HEYL: variants seen among roughly 807,000 people sequenced by gnomAD.
The protein encoded by HEYL is hairy/enhancer-of-split related with YRPW motif-like protein.
In HEYL, 12 loss-of-function variants were observed where a neutral mutation model predicts 18.6. The ratio of observed to expected loss-of-function variants is 0.65; its 90% CI spans 0.41 to 1.05. HEYL has a LOEUF of 1.05. Ranked by LOEUF, HEYL falls within the 50% of genes least tolerant of loss-of-function variation. HEYL has a pLI of 0.00. For synonymous variants in HEYL, 159 were observed against 179.6 expected (o/e 0.89, Z 0.91); for missense variants, 420 against 444.7 (o/e 0.94, Z 0.50).
At position 39,630,301 on chromosome 1, in the gene HEYL, G is replaced by A. The variant is rs1174758018; in HGVS notation, c.239C>T (p.Ser80Phe). ...CAAGACCTCGGCTTTCTCCAGCTTG[G>A]AAGAGCCCTGCGGGTACAGAAGACA... ...VPTAFEKQGS[S>F]KLEKAEVLQM... Residue 80 changes from serine to phenylalanine, a missense_variant, in exon 4 of 5, where the codon TCC becomes TTC. Coordinates refer to ENST00000372852, the MANE Select transcript of HEYL (RefSeq NM_014571.4). 4 of 1,613,982 alleles carry A rather than the reference G, an allele frequency of 2.5e-6. No homozygotes were observed. The highest frequency in any genetic ancestry group is 3.4e-6 in the Non-Finnish European group (4 of 1,179,884).
chr1:39,624,338 CA>C lies in HEYL; in HGVS notation c.*2168del, dbSNP rs1646284071. 6.6e-6 allele frequency: 1 copy of C among 152,234 alleles called. No individual in the cohort carries two copies. The highest frequency in any genetic ancestry group is 2.1e-4 in the South Asian group (1 of 4,834). The allele number at this position is 152,234 out of a possible 1,614,324, so 9.4% of individuals were successfully genotyped here. Reference sequence around the variant, plus strand: ...CAGGGACAATGAAAGCAAGTTCAACCAAGATGCTGAAAGAGCTGGATCATTC... The same window carrying C: ...CAGGGACAATGAAAGCAAGTTCAACCAGATGCTGAAAGAGCTGGATCATTC... On this transcript the variant is annotated 3_prime_UTR_variant, in exon 5 of 5. Transcript: ENST00000372852.
At chr1:39,630,525 T>C (rs1646327670) in intron 3 of HEYL, among the ~76,000 whole-genome samples, 1 of 152,230 alleles carries the variant, frequency 6.6e-6, no homozygotes, top group African/African-American at 2.4e-5. Context: ...TCATCTTTCC[T>C]GAAACCACTC....
intron 2 of HEYL, among the ~76,000 whole-genome samples, chr1:39,631,837 C>A (rs953467890): frequency 6.6e-6 from 1 of 152,196 alleles, no homozygotes; most frequent in African/African-American, 2.4e-5. Context: ...AGATGTTTAA[C>A]CACTGGTACA....
At chr1:39,628,821 C>T (rs764969114) in intron 4 of HEYL, among the ~76,000 whole-genome samples, 2 of 152,020 alleles carry the variant, frequency 1.3e-5, no homozygotes, top group Non-Finnish European at 2.9e-5. Flanking sequence ...CCAGGATGGT[C>T]TCGATCTCCT....
Position 39,626,611 on chromosome 1 carries a change from C to A in HEYL, c.883G>T (p.Val295Phe). The stretch of plus-strand genomic sequence containing the variant: ...GGGGAGGATGAGTTGGGGGTGGGAA[C>A]AGCCACGTAAGCAGCCGACCCTGTA... Reference protein sequence around the residue: ...GPTGSAAYVAVPTPNSSSPGP... With the variant: ...GPTGSAAYVAFPTPNSSSPGP... Residue 295 changes from valine (V) to phenylalanine (F), a missense_variant, in exon 5 of 5, where the codon GTT becomes TTT. Coordinates refer to ENST00000372852, the MANE Select transcript of HEYL (RefSeq NM_014571.4). The A allele has an allele frequency of 6.4e-7, 1 of 1,554,500 alleles. No individual in the cohort carries two copies. The highest frequency in any genetic ancestry group is 8.7e-7 in the Non-Finnish European group (1 of 1,151,214).
intron 1 of HEYL, chr1:39,633,401 C>G (rs371247821): frequency 2.6e-5 from 4 of 152,318 alleles, no homozygotes; most frequent in African/African-American, 9.6e-5. Flanking sequence ...AGAAGAGGCT[C>G]AGCCCTGGGG....
At chr1:39,631,464 T>C (rs11206504) in intron 3 of HEYL, 32 bp downstream of exon 3, 246,916 of 1,595,180 alleles carry the variant, frequency 0.15, 20,694 homozygotes, top group Non-Finnish European at 0.17. Flanking sequence ...CCACACAGTA[T>C]TTCCTCTAGC....
At position 39,635,570 on chromosome 1, in the gene HEYL, T is replaced by TAC. The variant is rs541841047; in HGVS notation, c.81-2857_81-2856dup. Among the ~76,000 whole-genome samples, 313 of 152,238 alleles carry TAC rather than the reference T, an allele frequency of 2.1e-3. 3 individuals carry two copies. Among genetic ancestry groups the TAC allele is most frequent in the Non-Finnish European group, 1.2e-3 (85 of 68,014 alleles). On this transcript the variant is annotated intron_variant, in intron 1 of 4. Transcript: ENST00000372852. ...CATATCTCAGAGGCAAACCTCACAT[T>TAC]ACAGTTTTCTTGGCAACATTATATG...
intron 3 of HEYL, among the ~76,000 whole-genome samples, chr1:39,631,100 T>C (rs1421981832): frequency 6.6e-6 from 1 of 152,200 alleles, no homozygotes; most frequent in Non-Finnish European, 1.5e-5. Context: ...AGCAGCCTTT[T>C]CCACTTTCAA....
intron 1 of HEYL, among the ~76,000 whole-genome samples, chr1:39,636,675 C>T (rs1204458310): frequency 6.6e-6 from 1 of 152,186 alleles, no homozygotes; most frequent in Non-Finnish European, 1.5e-5. Context: ...CTTCCACATC[C>T]ATTTGTCTAA....
intron 4 of HEYL, among the ~76,000 whole-genome samples, chr1:39,628,604 T>A (rs1646314689): frequency 6.7e-6 from 1 of 149,548 alleles, no homozygotes; most frequent in African/African-American, 2.5e-5. Context: ...TTTTTCTTTT[T>A]CTTTTATTTT....
rs546176398 is a variant in HEYL, at chr1:39,632,729, G to T, written c.81-14C>A. Reference sequence around the variant, plus strand: ...CTGGCCATCTGGCTGGAAAGGAAAAGAAAAGCTGATTTTTCAGGGCTGGGG... The same window carrying T: ...CTGGCCATCTGGCTGGAAAGGAAAATAAAAGCTGATTTTTCAGGGCTGGGG... On this transcript the variant is annotated splice_polypyrimidine_tract_variant and intron_variant, in intron 1 of 4. Coordinates refer to ENST00000372852, the MANE Select transcript of HEYL (RefSeq NM_014571.4). 139 of 1,613,866 alleles carry T rather than the reference G, an allele frequency of 8.6e-5. 1 individual carries two copies. The South Asian group carries it at 1.4e-3, about 16-fold the overall frequency.
rs1348596541 is a variant in HEYL at position 39,627,169 on chromosome 1, C to T, written c.325G>A (p.Ala109Thr). 7.4e-6 allele frequency: 12 copies of T among 1,611,326 alleles called. No homozygotes were observed. Among genetic ancestry groups the T allele is most frequent in the Non-Finnish European group, 1.0e-5 (12 of 1,177,868 alleles). The change falls in exon 5 of 5, where the codon GCC (alanine) becomes ACC (threonine). Residue 109 changes from alanine (A) to threonine (T), a missense_variant. By Grantham distance (58) the Ala-to-Thr change is moderately conservative. Transcript: ENST00000372852. ...CGGAAGTCAACTGCCAGGGCTCGGG[C>T]ATCAAAGAATCCTGCAAAGGGAGGC... ...HATGGTGFFD[A>T]RALAVDFRSI...
chr1:39,635,500 G>T (rs1570444362), intron 1 of HEYL, among the ~76,000 whole-genome samples: 1 of 152,218 alleles, frequency 6.6e-6, no homozygotes, highest in East Asian at 1.9e-4. Context: ...CCAATCTCCT[G>T]GTCAGCTTGT....
At position 39,624,783 on chromosome 1, in the gene HEYL, T is replaced by G. The variant is rs1232677701; in HGVS notation, c.*1724A>C. 1 of 152,280 alleles carries G rather than the reference T, an allele frequency of 6.6e-6. No individual in the cohort carries two copies. Among genetic ancestry groups the G allele is most frequent in the Non-Finnish European group, 1.5e-5 (1 of 68,068 alleles). 9.4% of individuals were successfully genotyped at this position (152,280 alleles called of 1,614,324 possible). A position where few individuals can be genotyped will look rare whatever the true frequency, so the allele number is the denominator to read the frequency against. On this transcript the variant is annotated 3_prime_UTR_variant, in exon 5 of 5. Coordinates refer to ENST00000372852, the MANE Select transcript of HEYL (RefSeq NM_014571.4). ...TGGGTCCAGGAGGACAGCAGTCTGATGGAATTAGCTCACACTAAAAAATGA... is the reference window on the plus strand; with the variant it reads ...TGGGTCCAGGAGGACAGCAGTCTGAGGGAATTAGCTCACACTAAAAAATGA...
intron 1 of HEYL, chr1:39,632,985 C>A (rs1160596424): frequency 1.0e-6 from 1 of 979,494 alleles, no homozygotes; most frequent in Non-Finnish European, 1.2e-6. Context: ...AACCGCGTAC[C>A]GCGGCGCGGT....
At chr1:39,627,743 CTG>C (rs1570438796) in intron 4 of HEYL, among the ~76,000 whole-genome samples, 1 of 152,246 alleles carries the variant, frequency 6.6e-6, no homozygotes, top group African/African-American at 2.4e-5. Flanking sequence ...CTTTATCTCT[CTG>C]TGCCTCAATT....
intron 1 of HEYL, among the ~76,000 whole-genome samples, chr1:39,635,547 T>C (rs1557739020): frequency 1.3e-5 from 2 of 152,152 alleles, no homozygotes; most frequent in Admixed American, 6.5e-5. Context: ...CCTCTTCCCA[T>C]ATCTCAGAGG....
chr1:39,632,745 AG>A, intron 1 of HEYL, 30 bp from the exon 2 acceptor site: 3 of 1,612,868 alleles, frequency 1.9e-6, no homozygotes, highest in Non-Finnish European at 2.5e-6. Flanking sequence ...CTGATTTTTC[AG>A]GGCTGGGGGA....
Sources: gnomAD v4.1 joint callset for allele counts (sites outside exome capture counted in the v4.1 genomes callset) on GRCh38, gnomAD v4.1.1 for gene constraint, MANE v1.5 for transcripts, NCBI Gene and HGNC (gene_info 2026-07-23, HGNC 2026-07-21) for gene names.